The following SNTG1 variants were observed in gnomAD, a reference collection of about 807,000 sequenced individuals.
SNTG1 encodes gamma-1-syntrophin.
A neutral mutation model predicts 74.7 loss-of-function variants in SNTG1; 39 were observed. The observed-to-expected ratio is 0.52, with a 90% CI of 0.40 to 0.68. The LOEUF (loss-of-function observed/expected upper bound fraction) is 0.68. Among genes scored for constraint, SNTG1 ranks in the 30% least tolerant of loss-of-function variants. SNTG1 has a pLI of 0.00. For synonymous variants in SNTG1, 254 were observed against 217.1 expected (o/e 1.17, Z -1.49); for missense variants, 685 against 609.5 (o/e 1.12, Z -1.30).
chr8:50,375,642 GGATAA>G (rs895081811), intron 2 of SNTG1, among the ~76,000 whole-genome samples: 3 of 152,090 alleles, frequency 2.0e-5, no homozygotes, highest in African/African-American at 7.2e-5. Context: ...AAAGGAGTCA[GGATAA>G]GATAAGTCAC....
intron 1 of SNTG1, among the ~76,000 whole-genome samples, chr8:49,918,100 A>G (rs143962956): frequency 1.8e-4 from 28 of 152,184 alleles, no homozygotes; most frequent in African/African-American, 6.5e-4. Flanking sequence ...TTTTTTCCAG[A>G]CCTTTTTGTT....
intron 18 of SNTG1, among the ~76,000 whole-genome samples, chr8:50,774,565 G>A (rs1348236811): frequency 6.6e-6 from 1 of 151,768 alleles, no homozygotes; most frequent in African/African-American, 2.4e-5. Flanking sequence ...AAGAACATTT[G>A]CCACTAGTAA....
chr8:50,565,017 T>C (rs544716018), intron 12 of SNTG1, among the ~76,000 whole-genome samples: 2 of 152,164 alleles, frequency 1.3e-5, no homozygotes, highest in African/African-American at 2.4e-5. Context: ...ATTAATAATA[T>C]GTACCCTTGA....
chr8:50,665,265 TG>T (rs1243423304), intron 15 of SNTG1, among the ~76,000 whole-genome samples: 1 of 152,004 alleles, frequency 6.6e-6, no homozygotes, highest in African/African-American at 2.4e-5. Flanking sequence ...AGATATGTTA[TG>T]CGGAAGGTGA....
chr8:50,686,367 T>C (rs1168834747), intron 15 of SNTG1, among the ~76,000 whole-genome samples: 1 of 152,190 alleles, frequency 6.6e-6, no homozygotes, highest in African/African-American at 2.4e-5. Context: ...TTGAGACCTA[T>C]TTCCCTCATT....
intron 8 of SNTG1, among the ~76,000 whole-genome samples, chr8:50,479,688 G>A (rs1344092974): frequency 2.6e-5 from 4 of 151,998 alleles, no homozygotes; most frequent in African/African-American, 9.7e-5. Context: ...AGCACAGGGT[G>A]GACTCTGGGC....
chr8:50,163,481 CTTTTTT>C (rs563894365), intron 1 of SNTG1: 4 of 125,644 alleles, frequency 3.2e-5, no homozygotes, highest in African/African-American at 1.1e-4. Flanking sequence ...CTTCTTTTTT[CTTTTTT>C]TTTTTTTTTA....
chr8:50,778,957 G>A (rs1214223157), intron 18 of SNTG1, among the ~76,000 whole-genome samples: 2 of 152,122 alleles, frequency 1.3e-5, no homozygotes, highest in Admixed American at 1.3e-4. Flanking sequence ...TTATTAAATG[G>A]GGAATCTTTC....
At chr8:50,530,661 C>T (rs914212977) in intron 10 of SNTG1, among the ~76,000 whole-genome samples, 2 of 152,192 alleles carry the variant, frequency 1.3e-5, no homozygotes, top group East Asian at 1.9e-4. Flanking sequence ...TTTTAGCCAA[C>T]TTTATTCACA....
intron 17 of SNTG1, among the ~76,000 whole-genome samples, chr8:50,713,186 TC>T (rs1264286162): frequency 1.3e-5 from 2 of 152,222 alleles, no homozygotes; most frequent in Admixed American, 6.5e-5. Flanking sequence ...TTTTCAATGA[TC>T]CCCATTCTAA....
At chr8:49,921,579 A>T (rs1404079095) in intron 1 of SNTG1, among the ~76,000 whole-genome samples, 1 of 152,096 alleles carries the variant, frequency 6.6e-6, no homozygotes, top group Non-Finnish European at 1.5e-5. Flanking sequence ...TATCTCCCTT[A>T]TTGCTTCCGG....
rs1429750226 is a variant in SNTG1, at chr8:50,087,892, T to C, written c.-102-84669T>C. 2.7e-5 allele frequency among the ~76,000 whole-genome samples: 4 copies of C among 149,788 alleles called. No homozygotes were observed. In the East Asian group the frequency reaches 8.0e-4, roughly 30 times the overall value. On this transcript the variant is annotated intron_variant, in intron 1 of 18. Transcript: ENST00000642720. The stretch of plus-strand genomic sequence containing the variant: ...GTGCGCTGCACCCACTAACTCGTCA[T>C]CTAGCATTAGGTATATCTCCCAATG...
chr8:50,653,575 G>A (rs2095161910), intron 13 of SNTG1, among the ~76,000 whole-genome samples: 1 of 151,786 alleles, frequency 6.6e-6, no homozygotes, highest in Non-Finnish European at 1.5e-5. Context: ...AATCTCCTTT[G>A]CTTTTGCATT....
intron 1 of SNTG1, among the ~76,000 whole-genome samples, chr8:50,090,861 TAGA>T (rs914163129): frequency 6.6e-6 from 1 of 151,968 alleles, no homozygotes; most frequent in Admixed American, 6.6e-5. Flanking sequence ...GGAAAAGAAA[TAGA>T]AGAATGAAAA....
intron 12 of SNTG1, among the ~76,000 whole-genome samples, chr8:50,567,688 T>C (rs529312150): frequency 6.6e-6 from 1 of 152,238 alleles, no homozygotes; most frequent in South Asian, 2.1e-4. Flanking sequence ...ACCAATTTCC[T>C]TTATTTTTTA....
intron 2 of SNTG1, among the ~76,000 whole-genome samples, chr8:50,244,365 G>A (rs2086296480): frequency 1.3e-5 from 2 of 152,032 alleles, no homozygotes; most frequent in Non-Finnish European, 2.9e-5. Flanking sequence ...TAGTAAGTGG[G>A]GAGATTCTTT....
At chr8:50,228,338 G>T (rs1249497096) in intron 2 of SNTG1, among the ~76,000 whole-genome samples, 2 of 151,674 alleles carry the variant, frequency 1.3e-5, no homozygotes, top group African/African-American at 4.8e-5. Flanking sequence ...ACCTTACAAA[G>T]AAAAAAAGAT....
chr8:50,338,308 C>A (rs1404491257), intron 2 of SNTG1, among the ~76,000 whole-genome samples: 1 of 152,104 alleles, frequency 6.6e-6, no homozygotes, highest in East Asian at 1.9e-4. Flanking sequence ...AAGACAAATG[C>A]AATAGCTCAC....
At position 50,430,030 on chromosome 8, in the gene SNTG1, T is replaced by C. The variant is rs192068709; in HGVS notation, c.163-8513T>C. Among the ~76,000 whole-genome samples, 518 of 152,242 alleles carry C rather than the reference T, an allele frequency of 3.4e-3. 4 individuals are homozygous for C. Among genetic ancestry groups the C allele is most frequent in the African/African-American group, 0.012 (483 of 41,562 alleles). On this transcript the variant is annotated intron_variant, in intron 4 of 18. Transcript: ENST00000642720. ...GAGAATATAAAGTGACATGGCCACA[T>C]TGAAAAACAGTCTGACAATTCCCAT...
Sources: allele counts gnomAD v4.1 joint callset (sites outside exome capture counted in the v4.1 genomes callset), GRCh38; gene constraint gnomAD v4.1.1; transcripts MANE v1.5; gene names NCBI Gene and HGNC (gene_info 2026-07-23, HGNC 2026-07-21).